Variants in TNR observed in about 807,000 individuals in gnomAD.
TNR encodes the protein tenascin-R.
In TNR, 45 loss-of-function variants were observed where a neutral mutation model predicts 150.4. The ratio of observed to expected loss-of-function variants is 0.30; its 90% confidence interval spans 0.24 to 0.38. The LOEUF (loss-of-function observed/expected upper bound fraction) is 0.38. Among genes scored for constraint, TNR ranks in the 10% least tolerant of loss-of-function variants. The pLI is 1.00. For missense variants in TNR, 1,544 were observed against 1,759.1 expected, an observed-to-expected ratio of 0.88 and a Z score of 2.19; for synonymous variants, 687 against 678.4, an observed-to-expected ratio of 1.01 and a Z score of -0.20.
At chr1:175,489,488 G>A (rs1278211034) in intron 2 of TNR, among the ~76,000 whole-genome samples, 1 of 152,200 alleles carries the variant, frequency 6.6e-6, no homozygotes, top group Non-Finnish European at 1.5e-5. Context: ...TGGACAGCGT[G>A]TGATTTCCTT....
At chr1:175,683,957 C>G (rs1203085128) in intron 1 of TNR, among the ~76,000 whole-genome samples, 1 of 152,132 alleles carries the variant, frequency 6.6e-6, no homozygotes, top group Non-Finnish European at 1.5e-5. Context: ...GGAGCCAGTC[C>G]CAAGGTGGGA....
chr1:175,424,735 C>T (rs74510641), intron 2 of TNR, among the ~76,000 whole-genome samples: 77 of 152,250 alleles, frequency 5.1e-4, no homozygotes, highest in African/African-American at 1.7e-3. Context: ...TGCAAACCCC[C>T]TGCTTCCCAT....
intron 2 of TNR, among the ~76,000 whole-genome samples, chr1:175,427,361 A>T (rs981098291): frequency 2.0e-5 from 3 of 152,164 alleles, no homozygotes; most frequent in African/African-American, 7.2e-5. Flanking sequence ...ATATAGCAAA[A>T]AATTTTTATA....
In TNR at chr1:175,580,946, G is replaced by A. The variant is rs116557035; in HGVS notation, c.-164-52577C>T. ...AGTTGTCAGGGGGTGGGGGATGGGG[G>A]TCTCTGCTTTGAAAACAAAAACTGT... On this transcript the variant is annotated intron_variant, in intron 1 of 22. Transcript: ENST00000367674. Among the ~76,000 whole-genome samples, 1,191 of 152,236 alleles carry A rather than the reference G, an allele frequency of 7.8e-3. 16 individuals carry two copies. The highest frequency in any genetic ancestry group is 0.026 in the African/African-American group (1,070 of 41,520).
chr1:175,536,595 C>A (rs1276123849), intron 1 of TNR, among the ~76,000 whole-genome samples: 1 of 152,164 alleles, frequency 6.6e-6, no homozygotes, highest in Non-Finnish European at 1.5e-5. Context: ...TCTGGTAGCA[C>A]CACAGATGAG....
intron 1 of TNR, among the ~76,000 whole-genome samples, chr1:175,566,244 C>A (rs922907075): frequency 6.6e-6 from 1 of 152,218 alleles, no homozygotes; most frequent in African/African-American, 2.4e-5. Flanking sequence ...CCCTGGCTGC[C>A]AGCCTTTTAC....
intron 2 of TNR, among the ~76,000 whole-genome samples, chr1:175,417,036 A>AAAGGAAGAAAGAAAGAAAGG (rs1557920204): frequency 1.0e-5 from 1 of 99,058 alleles, no homozygotes; most frequent in African/African-American, 3.7e-5. Flanking sequence ...AGAAAGAAAG[A>AAAGGAAGAAAGAAAGAAAGG]AAGAAAGAAA....
chr1:175,448,876 G>T (rs1479912405), intron 2 of TNR, among the ~76,000 whole-genome samples: 2 of 152,276 alleles, frequency 1.3e-5, no homozygotes, highest in Non-Finnish European at 2.9e-5. Context: ...TTCCCTCCAT[G>T]CCAAAAAACA....
chr1:175,401,828 A>G (rs184945931), intron 4 of TNR, among the ~76,000 whole-genome samples: 129 of 152,258 alleles, frequency 8.5e-4, no homozygotes, highest in African/African-American at 2.9e-3. Flanking sequence ...GAAGGTTTAA[A>G]ATGTTTGTTT....
intron 9 of TNR, among the ~76,000 whole-genome samples, chr1:175,379,321 T>C (rs913165486): frequency 6.6e-6 from 1 of 152,130 alleles, no homozygotes; most frequent in Non-Finnish European, 1.5e-5. Flanking sequence ...ATTGTGCCAC[T>C]GCACTCCAGC....
intron 1 of TNR, among the ~76,000 whole-genome samples, chr1:175,640,030 C>T (rs116617284): frequency 0.011 from 1,706 of 152,298 alleles, 16 homozygotes; most frequent in Non-Finnish European, 0.019. Context: ...TAGAACAGTG[C>T]CCAACAGGTA....
At chr1:175,341,321 C>A (rs1251690887) in intron 18 of TNR, among the ~76,000 whole-genome samples, 1 of 152,188 alleles carries the variant, frequency 6.6e-6, no homozygotes, top group African/African-American at 2.4e-5. Flanking sequence ...TAACTGGAGC[C>A]TAGACCGATG....
At chr1:175,448,357 G>A (rs1485439128) in intron 2 of TNR, among the ~76,000 whole-genome samples, 3 of 152,122 alleles carry the variant, frequency 2.0e-5, no homozygotes, top group Non-Finnish European at 4.4e-5. Context: ...GACTACAGGT[G>A]TGTGCCACCA....
chr1:175,561,640 A>G (rs565498806), intron 1 of TNR, among the ~76,000 whole-genome samples: 1 of 152,326 alleles, frequency 6.6e-6, no homozygotes, highest in Admixed American at 6.5e-5. Context: ...TGATTTTCAG[A>G]GGAGGAAAAC....
chr1:175,688,438 G>A (rs1387140087), intron 1 of TNR, among the ~76,000 whole-genome samples: 1 of 152,234 alleles, frequency 6.6e-6, no homozygotes, highest in Non-Finnish European at 1.5e-5. Flanking sequence ...CTGGAGCAAA[G>A]CAGATGCTAA....
chr1:175,731,691 C>T (rs189605738), intron 1 of TNR, among the ~76,000 whole-genome samples: 31 of 152,266 alleles, frequency 2.0e-4, no homozygotes, highest in Non-Finnish European at 1.9e-4. Context: ...CCAGATCTCA[C>T]GCTTACCCTG....
At chr1:175,646,432 T>C (rs1247372757) in intron 1 of TNR, among the ~76,000 whole-genome samples, 1 of 152,234 alleles carries the variant, frequency 6.6e-6, no homozygotes, top group Non-Finnish European at 1.5e-5. Flanking sequence ...GAAAATTACT[T>C]TCCCAATGGA....
intron 4 of TNR, among the ~76,000 whole-genome samples, chr1:175,400,768 G>A (rs1205924813): frequency 2.0e-5 from 3 of 152,182 alleles, no homozygotes; most frequent in African/African-American, 2.4e-5. Context: ...TGGGAACATC[G>A]TGCTGTGGTG....
At chr1:175,733,082 G>A (rs1025782292) in intron 1 of TNR, among the ~76,000 whole-genome samples, 3 of 152,214 alleles carry the variant, frequency 2.0e-5, no homozygotes, top group Admixed American at 6.5e-5. Context: ...CCTGGCTCTG[G>A]AGTGAGATGC....
Sources: gnomAD v4.1 joint callset for allele counts (sites outside exome capture counted in the v4.1 genomes callset) on GRCh38, gnomAD v4.1.1 for gene constraint, MANE v1.5 for transcripts, NCBI Gene and HGNC (gene_info 2026-07-23, HGNC 2026-07-21) for gene names.